Variants in ACOT11 observed in about 807,000 individuals in gnomAD.
The protein encoded by ACOT11 is acyl-coenzyme A thioesterase 11.
In ACOT11, 69 loss-of-function variants were observed where a neutral mutation model predicts 77.5. The ratio of observed to expected loss-of-function variants is 0.89; its 90% CI spans 0.73 to 1.09. The LOEUF (loss-of-function observed/expected upper bound fraction) is 1.09, where lower values mean the gene tolerates loss of function less well. Ranked by LOEUF, ACOT11 falls within the 50% of genes least tolerant of loss-of-function variation. The pLI is 0.00. For missense variants in ACOT11, 766 were observed against 813.7 expected (o/e 0.94, Z 0.71); for synonymous variants, 279 against 313.0 (o/e 0.89, Z 1.15).
intron 16 of ACOT11, among the ~76,000 whole-genome samples, chr1:54,633,657 G>A (rs150066034): frequency 1.2e-4 from 19 of 152,250 alleles, no homozygotes; most frequent in East Asian, 5.8e-4. Context: ...GAACCTACCC[G>A]TAAAAAATTT....
Position 54,597,936 on chromosome 1 carries a change from G to A in ACOT11, c.764+521G>A, listed in dbSNP as rs572392864. The A allele has an allele frequency of 3.6e-4, 57 of 157,580 alleles. 1 individual carries two copies. The South Asian group carries it at 4.7e-3, about 13-fold the overall frequency. The allele number at this position is 157,580 out of a possible 1,614,324, so 9.8% of individuals were successfully genotyped here. ...TCTCCTCTAACATCTGTTTCTGTCC[G>A]GGGCTTGTTCTACCCTAAATATCAG... On this transcript the variant is annotated intron_variant, in intron 7 of 15. Coordinates refer to ENST00000343744, the MANE Select transcript of ACOT11 (RefSeq NM_147161.4).
intron 15 of ACOT11, among the ~76,000 whole-genome samples, chr1:54,625,563 T>G (rs1262338107): frequency 6.6e-6 from 1 of 152,144 alleles, no homozygotes; most frequent in East Asian, 1.9e-4. Context: ...AAGCTACATC[T>G]CGAGTAACAA....
At chr1:54,585,472 G>T (rs182704266) in intron 2 of ACOT11, among the ~76,000 whole-genome samples, 1 of 152,192 alleles carries the variant, frequency 6.6e-6, no homozygotes, top group Non-Finnish European at 1.5e-5. Flanking sequence ...CCAGAAGGCC[G>T]GGAAGCAGGC....
At chr1:54,561,676 C>T (rs1451081263) in intron 1 of ACOT11, among the ~76,000 whole-genome samples, 79 of 131,672 alleles carry the variant, frequency 6.0e-4, no homozygotes, top group African/African-American at 1.2e-3. Context: ...CCAGTAGGGG[C>T]GGCCGGGCAG....
chr1:54,554,806 G>C (rs1175321460), intron 1 of ACOT11, among the ~76,000 whole-genome samples: 1 of 152,172 alleles, frequency 6.6e-6, no homozygotes, highest in Non-Finnish European at 1.5e-5. Context: ...TAGTGGGACT[G>C]CTGGATCATA....
At chr1:54,625,880 G>A (rs1361948668) in intron 15 of ACOT11, among the ~76,000 whole-genome samples, 3 of 150,388 alleles carry the variant, frequency 2.0e-5, no homozygotes, top group Admixed American at 1.3e-4. Flanking sequence ...CGGAGGTTGC[G>A]GTGAGCCGAG....
intron 1 of ACOT11, among the ~76,000 whole-genome samples, chr1:54,558,887 C>T (rs1653362955): frequency 6.6e-6 from 1 of 152,206 alleles, no homozygotes; most frequent in Admixed American, 6.5e-5. Context: ...TGTCCCCAGG[C>T]TTAGTGCCAA....
chr1:54,591,202 G>A (rs1176310091), intron 3 of ACOT11, among the ~76,000 whole-genome samples: 2 of 152,208 alleles, frequency 1.3e-5, no homozygotes, highest in African/African-American at 2.4e-5. Context: ...ATCAACAAAT[G>A]TCTGGCAAAT....
At chr1:54,570,149 T>C (rs1355113349) in intron 1 of ACOT11, among the ~76,000 whole-genome samples, 1 of 152,198 alleles carries the variant, frequency 6.6e-6, no homozygotes, top group Non-Finnish European at 1.5e-5. Flanking sequence ...CCTCATGAGG[T>C]GTCTTGAGCC....
intron 3 of ACOT11, among the ~76,000 whole-genome samples, chr1:54,591,269 A>T (rs934667244): frequency 5.3e-5 from 8 of 152,224 alleles, no homozygotes; most frequent in Non-Finnish European, 1.2e-4. Flanking sequence ...CGCTTGGCTC[A>T]GTCCCATTCT....
chr1:54,632,892 A>T (rs1211246599), intron 16 of ACOT11, among the ~76,000 whole-genome samples: 1 of 152,176 alleles, frequency 6.6e-6, no homozygotes, highest in Non-Finnish European at 1.5e-5. Context: ...ACAACCTGGG[A>T]CTATTCAACC....
At chr1:54,595,974 G>A (rs1654884436) in intron 6 of ACOT11, among the ~76,000 whole-genome samples, 1 of 152,206 alleles carries the variant, frequency 6.6e-6, no homozygotes, top group African/African-American at 2.4e-5. Flanking sequence ...ACTGGGCTTG[G>A]AGGCCGGAGC....
At chr1:54,567,282 CTTT>C (rs5774191) in intron 1 of ACOT11, among the ~76,000 whole-genome samples, 4 of 139,740 alleles carry the variant, frequency 2.9e-5, no homozygotes, top group Non-Finnish European at 1.5e-5. Context: ...GACTTTTTTC[CTTT>C]TTTTTTTTTT....
chr1:54,600,454 A>G (rs1352338019), intron 8 of ACOT11, among the ~76,000 whole-genome samples: 7 of 152,154 alleles, frequency 4.6e-5, no homozygotes, highest in Admixed American at 2.6e-4. Flanking sequence ...AGGCCGAGGC[A>G]GGAAGATCAC....
chr1:54,579,077 G>A (rs144884265), intron 1 of ACOT11, among the ~76,000 whole-genome samples: 3 of 152,302 alleles, frequency 2.0e-5, no homozygotes, highest in Admixed American at 1.3e-4. Flanking sequence ...TGGGACCATC[G>A]TTTGTCTTCT....
chr1:54,612,745 C>A, downstream of ACOT11: 1 of 1,537,682 alleles, frequency 6.5e-7, no homozygotes, highest in Non-Finnish European at 9.0e-7. Context: ...TCTCACGGAG[C>A]TGCAGCGGCC....
Position 54,603,954 on chromosome 1 carries a change from C to G in ACOT11, c.1152+17C>G. 2 of 1,613,034 alleles carry G rather than the reference C, an allele frequency of 1.2e-6. No homozygotes were observed. Among genetic ancestry groups the G allele is most frequent in the South Asian group, 1.1e-5 (1 of 91,046 alleles). On this transcript the variant is annotated intron_variant, in intron 11 of 15. Coordinates refer to ENST00000343744, the MANE Select transcript of ACOT11 (RefSeq NM_147161.4). ...AGCAACCAGGTAAGGCTCTCTGCTC[C>G]GAGAGGACAGTCTTCAGACCCACCG...
intron 1 of ACOT11, among the ~76,000 whole-genome samples, chr1:54,582,794 C>T (rs527255670): frequency 6.6e-6 from 1 of 152,150 alleles, no homozygotes. Flanking sequence ...TCCAGACTGC[C>T]CAGAAACCCC....
downstream of ACOT11, chr1:54,612,504 A>G: frequency 6.2e-7 from 1 of 1,613,776 alleles, no homozygotes. Context: ...TTGGCTCAGC[A>G]GCCAGCTGAA....
Sources: allele counts gnomAD v4.1 joint callset (sites outside exome capture counted in the v4.1 genomes callset), GRCh38; gene constraint gnomAD v4.1.1; transcripts MANE v1.5; gene names NCBI Gene and HGNC (gene_info 2026-07-23, HGNC 2026-07-21).